The following THRB variants were observed in gnomAD, a reference collection of about 807,000 sequenced individuals.
THRB encodes the protein nuclear receptor subfamily 1 group A member 2.
A neutral mutation model predicts 47.8 loss-of-function variants in THRB; 12 were observed. The observed-to-expected ratio is 0.25, with a 90% confidence interval of 0.16 to 0.41. The LOEUF (loss-of-function observed/expected upper bound fraction) is 0.41. Ranked by LOEUF, THRB falls within the 10% of genes least tolerant of loss-of-function variation. The pLI is 1.00. For synonymous variants in THRB, 218 were observed against 212.2 expected, an observed-to-expected ratio of 1.03 and a Z score of -0.24; for missense variants, 348 against 589.2, an observed-to-expected ratio of 0.59 and a Z score of 4.24.
At chr3:24,147,697 G>C (rs1325399865) in intron 6 of THRB, among the ~76,000 whole-genome samples, 1 of 152,208 alleles carries the variant, frequency 6.6e-6, no homozygotes, top group Non-Finnish European at 1.5e-5. Flanking sequence ...TATTGTAGAA[G>C]TTAATAACAG....
intron 1 of THRB, among the ~76,000 whole-genome samples, chr3:24,435,831 C>T (rs1384108084): frequency 1.3e-5 from 2 of 152,198 alleles, no homozygotes; most frequent in African/African-American, 2.4e-5. Flanking sequence ...CCTCCCCCTC[C>T]GCGGCCCTTC....
chr3:24,245,962 A>G (rs550079543), intron 3 of THRB, among the ~76,000 whole-genome samples: 3 of 152,180 alleles, frequency 2.0e-5, no homozygotes, highest in Admixed American at 6.6e-5. Flanking sequence ...GTCTTTCATA[A>G]TGTGGGTTAC....
intron 8 of THRB, among the ~76,000 whole-genome samples, chr3:24,137,886 C>T (rs2148942612): frequency 6.6e-6 from 1 of 152,060 alleles, no homozygotes; most frequent in South Asian, 2.1e-4. Flanking sequence ...ATGGAGAGGC[C>T]TAGAGAATTA....
chr3:24,292,842 A>G (rs979557354), intron 3 of THRB, among the ~76,000 whole-genome samples: 2 of 152,222 alleles, frequency 1.3e-5, no homozygotes, highest in African/African-American at 4.8e-5. Context: ...TCACTGATCT[A>G]TGGCAAGGGA....
chr3:24,394,626 G>T (rs1174093778), intron 1 of THRB, among the ~76,000 whole-genome samples: 4 of 152,032 alleles, frequency 2.6e-5, no homozygotes, highest in Non-Finnish European at 4.4e-5. Context: ...TTCAGGAAGG[G>T]TCTTTCCTCA....
At chr3:24,387,872 GC>G (rs1311752863) in intron 1 of THRB, among the ~76,000 whole-genome samples, 1 of 151,832 alleles carries the variant, frequency 6.6e-6, no homozygotes, top group East Asian at 1.9e-4. Context: ...AAAGAGACAG[GC>G]CCAGAGACAG....
chr3:24,411,887 A>T (rs1349416703), intron 1 of THRB, among the ~76,000 whole-genome samples: 1 of 151,814 alleles, frequency 6.6e-6, no homozygotes, highest in Non-Finnish European at 1.5e-5. Context: ...GAATGCAGGG[A>T]TCTGATCAGC....
intron 1 of THRB, chr3:24,486,450 A>G (rs2125920476): frequency 6.6e-6 from 1 of 152,334 alleles, no homozygotes; most frequent in South Asian, 2.1e-4. Context: ...ACCAACGGAC[A>G]GACTCCAGAA....
chr3:24,321,078 A>T (rs1186381785), intron 2 of THRB, among the ~76,000 whole-genome samples: 3 of 152,236 alleles, frequency 2.0e-5, no homozygotes, highest in Admixed American at 6.5e-5. Context: ...AAGAAAAATC[A>T]GCAGAAGAAA....
intron 9 of THRB, among the ~76,000 whole-genome samples, chr3:24,131,591 G>A (rs1450025341): frequency 1.3e-5 from 2 of 152,176 alleles, no homozygotes; most frequent in African/African-American, 4.8e-5. Flanking sequence ...CCAGTGTGAT[G>A]GTATTGAAGG....
intron 5 of THRB, among the ~76,000 whole-genome samples, chr3:24,174,937 A>G (rs1343672189): frequency 1.3e-5 from 2 of 152,214 alleles, no homozygotes; most frequent in East Asian, 3.8e-4. Flanking sequence ...CCAAAATGGT[A>G]TGTCTCTGTT....
chr3:24,367,988 C>T (rs111915593), intron 1 of THRB, among the ~76,000 whole-genome samples: 1 of 152,064 alleles, frequency 6.6e-6, no homozygotes, highest in South Asian at 2.1e-4. Flanking sequence ...GAATAGCTCC[C>T]AGGTTAGCAC....
chr3:24,187,737 C>A (rs1457318209), intron 5 of THRB, among the ~76,000 whole-genome samples: 1 of 152,176 alleles, frequency 6.6e-6, no homozygotes, highest in African/African-American at 2.4e-5. Flanking sequence ...TTCATAGTAA[C>A]TATATAGAGC....
At chr3:24,276,797 G>A (rs2053961897) in intron 3 of THRB, among the ~76,000 whole-genome samples, 1 of 152,218 alleles carries the variant, frequency 6.6e-6, no homozygotes, top group Admixed American at 6.5e-5. Context: ...AGTGGGTAGG[G>A]GAGGGAAAGT....
At chr3:24,383,506 T>C (rs1420939557) in intron 1 of THRB, among the ~76,000 whole-genome samples, 1 of 152,172 alleles carries the variant, frequency 6.6e-6, no homozygotes, top group African/African-American at 2.4e-5. Flanking sequence ...ATAATTCATA[T>C]AACAAAACTA....
intron 1 of THRB, among the ~76,000 whole-genome samples, chr3:24,348,094 T>C (rs1168519491): frequency 1.3e-5 from 2 of 152,154 alleles, no homozygotes; most frequent in African/African-American, 2.4e-5. Flanking sequence ...AACAAAGTGT[T>C]AGCAGACCGA....
chr3:24,372,053 C>T (rs975382354), intron 1 of THRB, among the ~76,000 whole-genome samples: 5 of 152,064 alleles, frequency 3.3e-5, no homozygotes, highest in African/African-American at 1.2e-4. Flanking sequence ...TTGGTACCTT[C>T]ACACATATTT....
intron 3 of THRB, among the ~76,000 whole-genome samples, chr3:24,272,385 C>A (rs2053442688): frequency 7.0e-6 from 1 of 142,722 alleles, no homozygotes; most frequent in African/African-American, 2.7e-5. Context: ...CAAAAACAAA[C>A]AAACAAACAA....
chr3:24,418,782 T>C (rs1162026511), intron 1 of THRB, among the ~76,000 whole-genome samples: 1 of 151,968 alleles, frequency 6.6e-6, no homozygotes, highest in Non-Finnish European at 1.5e-5. Context: ...ATGTTTTTCA[T>C]GTACATAGGG....
Sources: gnomAD v4.1 joint callset for allele counts (sites outside exome capture counted in the v4.1 genomes callset) on GRCh38, gnomAD v4.1.1 for gene constraint, MANE v1.5 for transcripts, NCBI Gene and HGNC (gene_info 2026-07-23, HGNC 2026-07-21) for gene names.